PITPNC1: variants seen among roughly 807,000 people sequenced by gnomAD.
PITPNC1 encodes the protein phosphatidylinositol transfer protein cytoplasmic 1, also known as cytoplasmic phosphatidylinositol transfer protein 1.
In PITPNC1, 18 loss-of-function variants were observed where a neutral mutation model predicts 44.7. The observed-to-expected ratio is 0.40, with a 90% confidence interval of 0.28 to 0.60. The LOEUF is 0.60. PITPNC1 is among the 20% of genes least tolerant of loss of function. PITPNC1 has a pLI of 0.39. For missense variants in PITPNC1, 290 were observed against 418.4 expected, an observed-to-expected ratio of 0.69 and a Z score of 2.68; for synonymous variants, 141 against 149.6, an observed-to-expected ratio of 0.94 and a Z score of 0.42.
At chr17:67,580,477 G>A (rs796595571) in intron 5 of PITPNC1, among the ~76,000 whole-genome samples, 11 of 152,082 alleles carry the variant, frequency 7.2e-5, no homozygotes, top group African/African-American at 2.2e-4. Context: ...CCCCTACTGG[G>A]ACTACGGCAC....
intron 1 of PITPNC1, among the ~76,000 whole-genome samples, chr17:67,387,957 G>A (rs978215518): frequency 1.3e-5 from 2 of 152,128 alleles, no homozygotes; most frequent in Non-Finnish European, 2.9e-5. Context: ...CAGTGCTCAA[G>A]GACCATGTGT....
intron 1 of PITPNC1, among the ~76,000 whole-genome samples, chr17:67,496,263 C>T (rs904539385): frequency 5.6e-4 from 86 of 152,286 alleles, no homozygotes; most frequent in African/African-American, 1.9e-3. Context: ...TCCCTGTTAT[C>T]GTTCTTCATT....
In PITPNC1 at chr17:67,695,045, C is replaced by A. The variant is rs1304933692; in HGVS notation, c.*2157C>A. ...TTCCCTTTTTATAAAGTAGCTTCTG[C>A]TGTCAAGGTTAACAATTCTATATGC... On this transcript the variant is annotated 3_prime_UTR_variant, in exon 9 of 9. Coordinates refer to ENST00000581322, the MANE Select transcript of PITPNC1 (RefSeq NM_012417.4). 1 of 152,172 alleles carries A rather than the reference C, an allele frequency of 6.6e-6. No individual in the cohort carries two copies. Among genetic ancestry groups the A allele is most frequent in the Non-Finnish European group, 1.5e-5 (1 of 68,034 alleles). The allele number at this position is 152,172 out of a possible 1,614,324, so 9.4% of individuals were successfully genotyped here.
At chr17:67,624,789 G>T (rs1469670771) in intron 5 of PITPNC1, among the ~76,000 whole-genome samples, 1 of 152,090 alleles carries the variant, frequency 6.6e-6, no homozygotes, top group Non-Finnish European at 1.5e-5. Flanking sequence ...TTCCAAAAGT[G>T]CTGGGATTAC....
chr17:67,608,286 C>CT (rs34017700), intron 5 of PITPNC1, among the ~76,000 whole-genome samples: 35,364 of 150,420 alleles, frequency 0.24, 4,481 homozygotes, highest in East Asian at 0.44. Flanking sequence ...CCTAACTTGC[C>CT]TAGCTACTCA....
intron 6 of PITPNC1, among the ~76,000 whole-genome samples, chr17:67,635,251 G>A (rs994519587): frequency 1.3e-5 from 2 of 152,168 alleles, no homozygotes; most frequent in East Asian, 1.9e-4. Flanking sequence ...CGTGGCTTGC[G>A]CTAGAGGGCT....
intron 1 of PITPNC1, among the ~76,000 whole-genome samples, chr17:67,445,795 G>A (rs983350057): frequency 3.3e-5 from 5 of 151,998 alleles, no homozygotes; most frequent in Non-Finnish European, 4.4e-5. Context: ...AGAATTAGCG[G>A]CAATCTCATT....
chr17:67,547,909 A>C (rs1437652342), intron 2 of PITPNC1, among the ~76,000 whole-genome samples: 3 of 152,196 alleles, frequency 2.0e-5, no homozygotes, highest in Non-Finnish European at 4.4e-5. Context: ...GCCAGGGTTC[A>C]AAACCTTGTT....
chr17:67,395,348 T>TA (rs927587418), intron 1 of PITPNC1, among the ~76,000 whole-genome samples: 2 of 152,006 alleles, frequency 1.3e-5, no homozygotes, highest in Admixed American at 6.6e-5. Flanking sequence ...GGTGTCTTGT[T>TA]ACATTGCCCA....
At chr17:67,435,284 A>C (rs1329373604) in intron 1 of PITPNC1, among the ~76,000 whole-genome samples, 1 of 152,146 alleles carries the variant, frequency 6.6e-6, no homozygotes, top group Non-Finnish European at 1.5e-5. Flanking sequence ...GCCACAGAAC[A>C]GTGGCTGGGC....
chr17:67,568,968 T>C (rs1455520785), intron 4 of PITPNC1, among the ~76,000 whole-genome samples: 2 of 152,168 alleles, frequency 1.3e-5, no homozygotes, highest in Non-Finnish European at 2.9e-5. Context: ...GTCTTCAAAG[T>C]GAGCGGTGTA....
At chr17:67,402,957 G>A (rs934908773) in intron 1 of PITPNC1, among the ~76,000 whole-genome samples, 4 of 152,158 alleles carry the variant, frequency 2.6e-5, no homozygotes, top group South Asian at 2.1e-4. Context: ...GTGAGCCACC[G>A]CGCCTAGCCT....
chr17:67,502,729 T>TATTGCATTGCATTGC (rs1265926396), intron 1 of PITPNC1, among the ~76,000 whole-genome samples: 9 of 145,448 alleles, frequency 6.2e-5, no homozygotes, highest in African/African-American at 2.1e-4. Context: ...GAAGTAAGAT[T>TATTGCATTGCATTGC]ATTGCATTGC....
At chr17:67,501,384 G>A (rs995771918) in intron 1 of PITPNC1, among the ~76,000 whole-genome samples, 16 of 152,114 alleles carry the variant, frequency 1.1e-4, no homozygotes, top group Non-Finnish European at 2.1e-4. Flanking sequence ...ATCGTCATCT[G>A]GCTCCAATCT....
At chr17:67,420,620 C>T (rs1309442657) in intron 1 of PITPNC1, among the ~76,000 whole-genome samples, 8 of 151,826 alleles carry the variant, frequency 5.3e-5, no homozygotes, top group South Asian at 2.1e-4. Context: ...TTAGTAGAGA[C>T]GGGGTTTTGC....
intron 6 of PITPNC1, among the ~76,000 whole-genome samples, chr17:67,656,714 G>T (rs1208672228): frequency 3.3e-5 from 5 of 152,148 alleles, no homozygotes; most frequent in African/African-American, 1.2e-4. Context: ...AAACTTGCCT[G>T]TGGAAAGGCC....
At chr17:67,565,416 TAA>T (rs1451233578) in intron 4 of PITPNC1, among the ~76,000 whole-genome samples, 1 of 151,906 alleles carries the variant, frequency 6.6e-6, no homozygotes, top group African/African-American at 2.4e-5. Context: ...TGTGTACTAG[TAA>T]TTTTCCATGG....
chr17:67,483,886 A>G (rs1358528290), intron 1 of PITPNC1, among the ~76,000 whole-genome samples: 1 of 148,648 alleles, frequency 6.7e-6, no homozygotes, highest in African/African-American at 2.5e-5. Context: ...TGCAATAACC[A>G]TTCTCCCTTC....
At chr17:67,493,803 T>C (rs2039893892) in intron 1 of PITPNC1, among the ~76,000 whole-genome samples, 1 of 152,224 alleles carries the variant, frequency 6.6e-6, no homozygotes, top group Non-Finnish European at 1.5e-5. Context: ...TTTTTCCCAA[T>C]ACAAAAGCAA....
Sources: gnomAD v4.1 joint callset for allele counts (sites outside exome capture counted in the v4.1 genomes callset) on GRCh38, gnomAD v4.1.1 for gene constraint, MANE v1.5 for transcripts, NCBI Gene and HGNC (gene_info 2026-07-23, HGNC 2026-07-21) for gene names.